Variants in PIEZO2 observed in about 807,000 individuals in gnomAD.
PIEZO2 encodes the protein piezo type mechanosensitive ion channel component 2.
A neutral mutation model predicts 337.3 loss-of-function variants in PIEZO2; 172 were observed. The ratio of observed to expected loss-of-function variants is 0.51; its 90% CI spans 0.45 to 0.58. PIEZO2 has a LOEUF of 0.58. Ranked by LOEUF, PIEZO2 falls within the 20% of genes least tolerant of loss-of-function variation. PIEZO2 has a pLI of 0.00. For missense variants in PIEZO2, 3,028 were observed against 3,391.3 expected (o/e 0.89, Z 2.66); for synonymous variants, 1,251 against 1,228.5 (o/e 1.02, Z -0.38).
chr18:10,687,246 G>GT (rs1159636694), intron 49 of PIEZO2, among the ~76,000 whole-genome samples: 1 of 151,974 alleles, frequency 6.6e-6, no homozygotes, highest in East Asian at 1.9e-4. Flanking sequence ...ATTAAGCCCA[G>GT]TGTCCATTAG....
chr18:10,859,749 T>C lies in PIEZO2; in HGVS notation c.493-2538A>G, dbSNP rs767643166. 2.0e-5 allele frequency among the ~76,000 whole-genome samples: 3 copies of C among 152,214 alleles called. No homozygotes were observed. The highest frequency in any genetic ancestry group is 2.9e-5 in the Non-Finnish European group (2 of 68,046). On this transcript the variant is annotated intron_variant, in intron 5 of 55. Coordinates refer to ENST00000674853, the MANE Select transcript of PIEZO2 (RefSeq NM_001378183.1). This position sits in a 1 kb window ranked among gnomAD's most constrained non-coding sequence, Gnocchi z 4.9. ...TCTTGAACCTACTCAAATCAGACTT[T>C]GATCTTCAACCACTCCGTCTAATGA...
intron 20 of PIEZO2, among the ~76,000 whole-genome samples, chr18:10,772,458 C>T (rs1054556818): frequency 1.3e-5 from 2 of 152,174 alleles, no homozygotes; most frequent in Non-Finnish European, 2.9e-5. Flanking sequence ...GCTGGGGTCT[C>T]CCCTTCACAC....
rs1035148106 is a variant in PIEZO2 at position 11,116,721 on chromosome 18, A to C, written c.64+31804T>G. Among the ~76,000 whole-genome samples the C allele has an allele frequency of 1.9e-4, 28 of 150,878 alleles. No individual in the cohort carries two copies. The highest frequency in any genetic ancestry group is 2.9e-4 in the Non-Finnish European group (20 of 67,976). ...CAGAACGAGACTCCGTCTCAAAAAAAACAAAGAAAAAAAAAAATCATTCCA... is the reference window on the plus strand; with the variant it reads ...CAGAACGAGACTCCGTCTCAAAAAACACAAAGAAAAAAAAAAATCATTCCA... On this transcript the variant is annotated intron_variant, in intron 1 of 55. Transcript: ENST00000674853. The surrounding 1 kb of genome is among the most constrained non-coding windows in gnomAD (Gnocchi z 5.0).
intron 7 of PIEZO2, among the ~76,000 whole-genome samples, chr18:10,809,509 C>T (rs2040117368): frequency 1.3e-5 from 2 of 151,532 alleles, no homozygotes; most frequent in African/African-American, 4.9e-5. Context: ...ACCTCGTGAT[C>T]CGCCCACCTT....
intron 7 of PIEZO2, among the ~76,000 whole-genome samples, chr18:10,835,774 C>T (rs570281920): frequency 8.3e-4 from 127 of 152,344 alleles, no homozygotes; most frequent in African/African-American, 2.9e-3. Flanking sequence ...GAACTCCTGA[C>T]CTCAGATGAT....
chr18:10,927,721 G>A (rs17491924), intron 3 of PIEZO2, among the ~76,000 whole-genome samples: 2,583 of 152,144 alleles, frequency 0.017, 27 homozygotes, highest in Non-Finnish European at 0.028. Flanking sequence ...AAGGTAAAGC[G>A]TTCTTAGACA....
chr18:11,079,585 G>A (rs1212922395), intron 1 of PIEZO2, among the ~76,000 whole-genome samples: 2 of 152,036 alleles, frequency 1.3e-5, no homozygotes, highest in Non-Finnish European at 2.9e-5. Flanking sequence ...GTTCATTACC[G>A]ATTACTCCAG....
chr18:10,704,168 G>A (rs937213208), intron 42 of PIEZO2: 13 of 580,442 alleles, frequency 2.2e-5, no homozygotes, highest in South Asian at 1.1e-4. Flanking sequence ...AGTACCCGCC[G>A]TGCGTGAGGT....
chr18:10,708,814 T>C (rs1218306770), intron 39 of PIEZO2, among the ~76,000 whole-genome samples: 1 of 152,218 alleles, frequency 6.6e-6, no homozygotes, highest in Non-Finnish European at 1.5e-5. Context: ...TATTTGGAGC[T>C]TGCAGTCCTG....
rs1351565815 is a variant in PIEZO2, at chr18:10,921,567, T to C, written c.287-10339A>G. On this transcript the variant is annotated intron_variant, in intron 3 of 55. Transcript: ENST00000674853. Reference sequence around the variant, plus strand: ...TGTATGTCGCCTCAGGACCCTGTGATAATTGCACTAACTGCACAAATTGTA... The same window carrying C: ...TGTATGTCGCCTCAGGACCCTGTGACAATTGCACTAACTGCACAAATTGTA... Among the ~76,000 whole-genome samples the C allele has an allele frequency of 7.2e-5, 11 of 152,106 alleles. 1 individual carries two copies. Among genetic ancestry groups the C allele is most frequent in the Admixed American group, 6.5e-5 (1 of 15,272 alleles).
intron 2 of PIEZO2, among the ~76,000 whole-genome samples, chr18:11,044,950 A>G (rs550029660): frequency 6.6e-6 from 1 of 152,040 alleles, no homozygotes; most frequent in African/African-American, 2.4e-5. Flanking sequence ...GGAGTTCAAC[A>G]CCAGACCAGG....
At chr18:10,822,796 G>C (rs1438100286) in intron 7 of PIEZO2, among the ~76,000 whole-genome samples, 1 of 152,142 alleles carries the variant, frequency 6.6e-6, no homozygotes, top group African/African-American at 2.4e-5. Flanking sequence ...TTCTAAAAGG[G>C]AGTATGAACC....
chr18:10,748,980 C>A lies in PIEZO2; in HGVS notation c.4265-350G>T, dbSNP rs1325112641. 1.3e-5 allele frequency among the ~76,000 whole-genome samples: 2 copies of A among 152,108 alleles called. No homozygotes were observed. Among genetic ancestry groups the A allele is most frequent in the East Asian group, 3.9e-4 (2 of 5,164 alleles). On this transcript the variant is annotated intron_variant, in intron 29 of 55. Transcript: ENST00000674853. This position sits in a 1 kb window ranked among gnomAD's most constrained non-coding sequence, Gnocchi z 5.1. ...CAGTGCCAGTGGAAATGCTCTTATA[C>A]AAAAGAAAACACCCATTCTGGGAAT...
intron 2 of PIEZO2, among the ~76,000 whole-genome samples, chr18:11,051,404 T>C (rs1279749122): frequency 1.3e-5 from 2 of 151,294 alleles, no homozygotes; most frequent in Non-Finnish European, 2.9e-5. Context: ...ACATAAACAT[T>C]TCATATACGA....
At position 10,864,160 on chromosome 18, in the gene PIEZO2, A is replaced by G. The variant is rs544050385; in HGVS notation, c.493-6949T>C. On this transcript the variant is annotated intron_variant, in intron 5 of 55. Coordinates refer to ENST00000674853, the MANE Select transcript of PIEZO2 (RefSeq NM_001378183.1). ...AAACAAAACTCACATCTTTGATATG[A>G]AGGTGTCAAAATATTGAGCAGAGAA... is the stretch of plus-strand genomic sequence containing the variant. Among the ~76,000 whole-genome samples, 44 of 152,360 alleles carry G rather than the reference A, an allele frequency of 2.9e-4. No individual in the cohort carries two copies. In the South Asian group the frequency reaches 8.9e-3, roughly 31 times the overall value.
chr18:10,913,991 T>C (rs2030707105), intron 3 of PIEZO2, among the ~76,000 whole-genome samples: 1 of 152,174 alleles, frequency 6.6e-6, no homozygotes, highest in Admixed American at 6.5e-5. Context: ...ATGTCTTTTG[T>C]GAGCACTTAG....
chr18:10,792,107 C>T (rs1020872943), intron 13 of PIEZO2, among the ~76,000 whole-genome samples: 13 of 152,004 alleles, frequency 8.6e-5, no homozygotes, highest in African/African-American at 2.7e-4. Flanking sequence ...CCACCACACC[C>T]GGCTAGTTTT....
chr18:11,056,815 G>A (rs1244717064), intron 2 of PIEZO2, among the ~76,000 whole-genome samples: 1 of 152,112 alleles, frequency 6.6e-6, no homozygotes, highest in Non-Finnish European at 1.5e-5. Flanking sequence ...TGTCCATGGT[G>A]CTCCTACCCA....
chr18:10,696,292 G>C lies in PIEZO2; in HGVS notation c.6976-4C>G, dbSNP rs763348668. On this transcript the variant is annotated splice_region_variant and splice_polypyrimidine_tract_variant and intron_variant, in intron 46 of 55. Transcript: ENST00000674853. ...TGTCTGCAGCTGCTGAGTGTTTCTG[G>C]GGAAGAGACAACAAATTCATGCCCA... 1.2e-6 allele frequency: 2 copies of C among 1,614,108 alleles called. No individual in the cohort carries two copies. Among genetic ancestry groups the C allele is most frequent in the Non-Finnish European group, 1.7e-6 (2 of 1,179,964 alleles).
Sources: allele counts gnomAD v4.1 joint callset (sites outside exome capture counted in the v4.1 genomes callset), GRCh38; gene constraint gnomAD v4.1.1; non-coding constraint Gnocchi (gnomAD v3.1); transcripts MANE v1.5; gene names NCBI Gene and HGNC (gene_info 2026-07-23, HGNC 2026-07-21).